The following ATP9B variants were observed in gnomAD, a reference collection of about 807,000 sequenced individuals.
ATP9B encodes ATPase phospholipid transporting 9B, also known as probable phospholipid-transporting ATPase IIB.
ATP9B carries 110 observed loss-of-function variants against 146.1 expected under a neutral mutation model. That is an observed-to-expected ratio of 0.75 (90% confidence interval 0.65 to 0.88). The LOEUF (loss-of-function observed/expected upper bound fraction) is 0.88, where lower values mean the gene tolerates loss of function less well. ATP9B is among the 40% of genes least tolerant of loss of function. The probability of loss-of-function intolerance (pLI) is 0.00; values close to 1 mark genes in which losing one functional copy is unlikely to be tolerated. For synonymous variants in ATP9B, 604 were observed against 569.7 expected (o/e 1.06, Z -0.86); for missense variants, 1,499 against 1,496.4 (o/e 1.00, Z -0.03).
intron 12 of ATP9B, among the ~76,000 whole-genome samples, chr18:79,268,137 C>G (rs2096222322): frequency 6.6e-6 from 1 of 152,008 alleles, no homozygotes; most frequent in South Asian, 2.1e-4. Context: ...TTAAATTCTA[C>G]TTTGTTTTGT....
chr18:79,327,824 T>A (rs1343286446), intron 15 of ATP9B, among the ~76,000 whole-genome samples: 3 of 126,278 alleles, frequency 2.4e-5, no homozygotes, highest in Non-Finnish European at 3.3e-5. Context: ...TTCTCCGTGG[T>A]TAGTGTGTTC....
chr18:79,270,089 T>C (rs911637669), intron 12 of ATP9B, among the ~76,000 whole-genome samples: 7 of 152,224 alleles, frequency 4.6e-5, no homozygotes, highest in Non-Finnish European at 1.5e-5. Context: ...TGCCATTCCT[T>C]TCTTCTTAGC....
At chr18:79,258,193 G>A (rs1215668363) in intron 12 of ATP9B, among the ~76,000 whole-genome samples, 7 of 152,254 alleles carry the variant, frequency 4.6e-5, no homozygotes, top group Admixed American at 1.3e-4. Flanking sequence ...ATAGAAAATA[G>A]GGCAGGCTGA....
chr18:79,103,034 C>G (rs1468067404), intron 2 of ATP9B, among the ~76,000 whole-genome samples: 1 of 152,158 alleles, frequency 6.6e-6, no homozygotes, highest in Non-Finnish European at 1.5e-5. Context: ...TCCTTGTAAT[C>G]TATAAAGACA....
chr18:79,361,704 G>GAAGCTAAAT, intron 26 of ATP9B: 3 of 880,676 alleles, frequency 3.4e-6, no homozygotes, highest in Non-Finnish European at 4.1e-6. Context: ...TGAAGCTAAA[G>GAAGCTAAAT]AACTATTTTG....
chr18:79,211,183 T>G (rs538729384), intron 10 of ATP9B, among the ~76,000 whole-genome samples: 37 of 152,350 alleles, frequency 2.4e-4, no homozygotes, highest in Middle Eastern at 3.4e-3. Context: ...CTAGAAATGT[T>G]TAAATAAAGG....
intron 9 of ATP9B, among the ~76,000 whole-genome samples, chr18:79,204,026 T>G (rs2095512677): frequency 6.6e-6 from 1 of 152,236 alleles, no homozygotes; most frequent in African/African-American, 2.4e-5. Context: ...GCTTTTTCTT[T>G]AAAGTTGATA....
intron 10 of ATP9B, among the ~76,000 whole-genome samples, chr18:79,207,343 C>CT (rs2095544060): frequency 6.6e-6 from 1 of 152,214 alleles, no homozygotes. Flanking sequence ...CACAGAAGAG[C>CT]TTGGGAAGCC....
In ATP9B at chr18:79,088,412, G is replaced by GA. The variant is rs530091339; in HGVS notation, c.120-8057dup. ...AAAAGAAGTGATCTCATACAGAGAAGAAAAAAATGACATTTTAAGGGAAAA... is the reference window on the plus strand; with the variant it reads ...AAAAGAAGTGATCTCATACAGAGAAGAAAAAAAATGACATTTTAAGGGAAAA... On this transcript the variant is annotated intron_variant, in intron 1 of 29. Transcript: ENST00000426216. Among the ~76,000 whole-genome samples, 19 of 152,178 alleles carry GA rather than the reference G, an allele frequency of 1.2e-4. No individual in the cohort carries two copies. In the South Asian group the frequency reaches 3.7e-3, roughly 30 times the overall value.
At chr18:79,168,415 A>G (rs866037753) in intron 7 of ATP9B, among the ~76,000 whole-genome samples, 3 of 151,458 alleles carry the variant, frequency 2.0e-5, no homozygotes, top group Non-Finnish European at 4.4e-5. Context: ...TGTAGTTGCA[A>G]CTGTTCAGGA....
At chr18:79,170,652 T>C (rs2095056251) in intron 7 of ATP9B, among the ~76,000 whole-genome samples, 1 of 152,222 alleles carries the variant, frequency 6.6e-6, no homozygotes, top group Non-Finnish European at 1.5e-5. Flanking sequence ...GGAATTGTTG[T>C]TTCTGAGTTT....
chr18:79,329,680 C>T (rs2096779817), intron 16 of ATP9B, among the ~76,000 whole-genome samples: 1 of 152,076 alleles, frequency 6.6e-6, no homozygotes, highest in South Asian at 2.1e-4. Flanking sequence ...TAGCAAACAC[C>T]AAAATCATAT....
chr18:79,087,473 A>G (rs1450762399), intron 1 of ATP9B: 1 of 152,256 alleles, frequency 6.6e-6, no homozygotes, highest in Non-Finnish European at 1.5e-5. Context: ...GATGAAGGAA[A>G]TATGCACATT....
chr18:79,377,795 G>C lies in ATP9B; in HGVS notation c.*412G>C, dbSNP rs1282392806. 5.5e-6 allele frequency: 1 copy of C among 180,462 alleles called. No homozygotes were observed. The highest frequency in any genetic ancestry group is 1.2e-5 in the Non-Finnish European group (1 of 85,406). 11.2% of individuals were successfully genotyped at this position (180,462 alleles called of 1,614,324 possible). A position where few individuals can be genotyped will look rare whatever the true frequency, so the allele number is the denominator to read the frequency against. On this transcript the variant is annotated 3_prime_UTR_variant, in exon 30 of 30. Coordinates refer to ENST00000426216, the MANE Select transcript of ATP9B (RefSeq NM_198531.5). ...TGCTAGGCAAGCCCAGGGCACAGAT[G>C]CCGGGATGGCCCCTCCCTCTCAGTG...
intron 1 of ATP9B, among the ~76,000 whole-genome samples, chr18:79,088,642 T>G (rs1406127553): frequency 6.6e-6 from 1 of 152,220 alleles, no homozygotes; most frequent in Non-Finnish European, 1.5e-5. Context: ...AAGAAGTGAC[T>G]GCCATTTCTC....
chr18:79,237,262 G>A (rs1386799785), intron 11 of ATP9B, among the ~76,000 whole-genome samples: 4 of 135,254 alleles, frequency 3.0e-5, no homozygotes, highest in Non-Finnish European at 6.3e-5. Context: ...ACGAGTCAGT[G>A]TCCACACCTG....
In ATP9B at chr18:79,220,691, G is replaced by A. The variant is rs371456487; in HGVS notation, c.1107+6653G>A. Among the ~76,000 whole-genome samples, 366 of 152,270 alleles carry A rather than the reference G, an allele frequency of 2.4e-3. 2 individuals are homozygous for A. Among genetic ancestry groups the A allele is most frequent in the South Asian group, 6.4e-3 (31 of 4,814 alleles). ...TTGAGCATCATTTCACATTTTCTAG[G>A]TTTATCCAGTAATTGATCTTCTAGG... On this transcript the variant is annotated intron_variant, in intron 11 of 29. Transcript: ENST00000426216.
chr18:79,142,574 A>C (rs143002793), intron 5 of ATP9B, among the ~76,000 whole-genome samples: 153 of 152,242 alleles, frequency 1.0e-3, no homozygotes, highest in African/African-American at 3.5e-3. Flanking sequence ...GTGGGGGAGG[A>C]GGCCTGAAGC....
rs150084861 is a variant in ATP9B at position 79,247,732 on chromosome 18, T to A, written c.1108-5649T>A. Among the ~76,000 whole-genome samples, 15 of 152,348 alleles carry A rather than the reference T, an allele frequency of 9.8e-5. No individual in the cohort carries two copies. The East Asian group carries it at 2.9e-3, about 29-fold the overall frequency. ...TGCTTCCCTGTTTAGTAGCTGATTC[T>A]TGCATTAATACTTTTCTTATTTATA... On this transcript the variant is annotated intron_variant, in intron 11 of 29. Coordinates refer to ENST00000426216, the MANE Select transcript of ATP9B (RefSeq NM_198531.5).
Sources: allele counts gnomAD v4.1 joint callset (sites outside exome capture counted in the v4.1 genomes callset), GRCh38; gene constraint gnomAD v4.1.1; transcripts MANE v1.5; gene names NCBI Gene and HGNC (gene_info 2026-07-23, HGNC 2026-07-21).